TCERG1L: variants seen among roughly 807,000 people sequenced by gnomAD.
TCERG1L encodes the protein transcription elongation regulator 1-like protein.
TCERG1L carries 37 observed loss-of-function variants against 56.3 expected under a neutral mutation model. The observed-to-expected ratio is 0.66, with a 90% confidence interval of 0.51 to 0.87. The LOEUF (loss-of-function observed/expected upper bound fraction) is 0.87. Ranked by LOEUF, TCERG1L falls within the 40% of genes least tolerant of loss-of-function variation. The pLI is 0.00. For synonymous variants in TCERG1L, 324 were observed against 326.3 expected (o/e 0.99, Z 0.08); for missense variants, 799 against 774.2 (o/e 1.03, Z -0.38).
chr10:131,210,516 G>A (rs1247997729), intron 4 of TCERG1L, among the ~76,000 whole-genome samples: 3 of 152,184 alleles, frequency 2.0e-5, no homozygotes, highest in African/African-American at 7.2e-5. Context: ...TAAAAAGAAA[G>A]AATTATCTGG....
At chr10:131,183,450 T>C (rs538916158) in intron 4 of TCERG1L, among the ~76,000 whole-genome samples, 14 of 152,298 alleles carry the variant, frequency 9.2e-5, no homozygotes, top group African/African-American at 2.6e-4. Flanking sequence ...CTTTGTCAAC[T>C]AGAATCAGAA....
intron 6 of TCERG1L, among the ~76,000 whole-genome samples, chr10:131,147,736 C>T (rs992993103): frequency 2.0e-5 from 3 of 152,272 alleles, no homozygotes; most frequent in Non-Finnish European, 4.4e-5. Context: ...ACATACCCAC[C>T]TCTAGCTATT....
chr10:131,237,862 T>C (rs1845929735), intron 4 of TCERG1L, among the ~76,000 whole-genome samples: 2 of 152,172 alleles, frequency 1.3e-5, no homozygotes, highest in African/African-American at 2.4e-5. Context: ...TTTGATCACA[T>C]TGACTGAGAG....
At chr10:131,127,197 C>T (rs1378071360) in intron 8 of TCERG1L, among the ~76,000 whole-genome samples, 1 of 152,138 alleles carries the variant, frequency 6.6e-6, no homozygotes, top group African/African-American at 2.4e-5. Context: ...CTAAGCACAC[C>T]GAATTGTTAG....
At chr10:131,181,110 G>A (rs980360464) in intron 4 of TCERG1L, among the ~76,000 whole-genome samples, 4 of 152,180 alleles carry the variant, frequency 2.6e-5, no homozygotes, top group Admixed American at 6.5e-5. Flanking sequence ...CCAGACCTCC[G>A]CGCTGCTCCC....
chr10:131,197,387 A>G (rs1281219722), intron 4 of TCERG1L, among the ~76,000 whole-genome samples: 3 of 152,012 alleles, frequency 2.0e-5, no homozygotes, highest in African/African-American at 7.2e-5. Flanking sequence ...GGGTTTCACC[A>G]TGTTAGCCAG....
Position 131,227,676 on chromosome 10 carries a change from C to G in TCERG1L, c.856+32583G>C, listed in dbSNP as rs527681334. 1.9e-3 allele frequency among the ~76,000 whole-genome samples: 283 copies of G among 152,282 alleles called. 1 individual carries two copies. Among genetic ancestry groups the G allele is most frequent in the Non-Finnish European group, 3.3e-3 (225 of 68,026 alleles). ...GGTGAGCCGAGGGTTTTCCATCAGG[C>G]GAGCCAGCTGCCCCACTGAAAAGAT... On this transcript the variant is annotated intron_variant, in intron 4 of 11. Transcript: ENST00000368642.
At chr10:131,212,583 C>G (rs11017821) in intron 4 of TCERG1L, among the ~76,000 whole-genome samples, 12,157 of 152,210 alleles carry the variant, frequency 0.08, 530 homozygotes, top group East Asian at 0.17. Context: ...GGTGATTTTA[C>G]AAATATGTAA....
intron 4 of TCERG1L, among the ~76,000 whole-genome samples, chr10:131,169,808 G>A (rs979319342): frequency 1.3e-5 from 2 of 152,150 alleles, no homozygotes; most frequent in African/African-American, 2.4e-5. Flanking sequence ...AACTGTGTTA[G>A]GAACACTGGC....
At chr10:131,300,165 C>A (rs1390646710) in intron 3 of TCERG1L, among the ~76,000 whole-genome samples, 2 of 152,120 alleles carry the variant, frequency 1.3e-5, no homozygotes, top group African/African-American at 4.8e-5. Context: ...GTATAAAGTT[C>A]TTTGAATCAG....
chr10:131,093,654 C>T (rs752822681), intron 11 of TCERG1L, among the ~76,000 whole-genome samples: 38 of 152,222 alleles, frequency 2.5e-4, no homozygotes, highest in Admixed American at 5.2e-4. Context: ...AGGTCTCCTC[C>T]GCCCCTCCCT....
intron 3 of TCERG1L, among the ~76,000 whole-genome samples, chr10:131,272,099 G>T (rs1251359692): frequency 6.6e-6 from 1 of 152,140 alleles, no homozygotes; most frequent in African/African-American, 2.4e-5. Flanking sequence ...GTGGGCAGCG[G>T]CGGAATGAGC....
At chr10:131,221,604 T>C (rs1299229384) in intron 4 of TCERG1L, among the ~76,000 whole-genome samples, 1 of 152,210 alleles carries the variant, frequency 6.6e-6, no homozygotes, top group African/African-American at 2.4e-5. Flanking sequence ...GTGCCAGGTG[T>C]ATGTGTAAAA....
intron 8 of TCERG1L, among the ~76,000 whole-genome samples, chr10:131,131,413 T>C (rs1042399076): frequency 2.6e-5 from 4 of 152,236 alleles, no homozygotes; most frequent in African/African-American, 9.6e-5. Flanking sequence ...CTCCAGGCCC[T>C]GAGCAGAAAG....
rs58892586 is a variant in TCERG1L at position 131,309,834 on chromosome 10, C to CAAAAAAAAAAAAAA, written c.343-549_343-536dup. Among the ~76,000 whole-genome samples the CAAAAAAAAAAAAAA allele has an allele frequency of 6.0e-4, 30 of 49,850 alleles. 1 individual carries two copies. The highest frequency in any genetic ancestry group is 8.4e-4 in the Non-Finnish European group (24 of 28,708). The allele number at this position is 49,850 out of a possible 152,430, so 32.7% of individuals were successfully genotyped here. On this transcript the variant is annotated intron_variant, in intron 1 of 11. Transcript: ENST00000368642. ...TCACCAATACAAATAGATTCTATGG[C>CAAAAAAAAAAAAAA]AAAAAAAAAAAAAAAAAAAAAAAAA...
At chr10:131,292,634 C>T (rs1197275201) in intron 3 of TCERG1L, among the ~76,000 whole-genome samples, 1 of 152,196 alleles carries the variant, frequency 6.6e-6, no homozygotes, top group Non-Finnish European at 1.5e-5. Flanking sequence ...GGAGATTTTA[C>T]CACTGAAACC....
intron 4 of TCERG1L, among the ~76,000 whole-genome samples, chr10:131,240,021 T>C (rs1190273788): frequency 6.6e-6 from 1 of 152,194 alleles, no homozygotes; most frequent in African/African-American, 2.4e-5. Flanking sequence ...ATGGGTCATC[T>C]GGGCTTGGTG....
At chr10:131,124,829 A>G (rs1393390107) in intron 8 of TCERG1L, among the ~76,000 whole-genome samples, 3 of 152,228 alleles carry the variant, frequency 2.0e-5, no homozygotes, top group Non-Finnish European at 4.4e-5. Context: ...GGGCTTTCCC[A>G]CTGTGTGCTC....
chr10:131,124,729 A>C (rs1328576322), intron 8 of TCERG1L, among the ~76,000 whole-genome samples: 1 of 152,110 alleles, frequency 6.6e-6, no homozygotes, highest in Non-Finnish European at 1.5e-5. Context: ...AAATGACAAC[A>C]ACAACAACAA....
Sources: gnomAD v4.1 joint callset for allele counts (sites outside exome capture counted in the v4.1 genomes callset) on GRCh38, gnomAD v4.1.1 for gene constraint, MANE v1.5 for transcripts, NCBI Gene and HGNC (gene_info 2026-07-23, HGNC 2026-07-21) for gene names.